The following MED13 variants were observed in gnomAD, a reference collection of about 807,000 sequenced individuals.
MED13 encodes mediator complex subunit 13.
Under a neutral mutation model 225.2 loss-of-function variants are expected in MED13, and 23 were observed. That is an observed-to-expected ratio of 0.10 (90% CI 0.07 to 0.14). The LOEUF (loss-of-function observed/expected upper bound fraction) is 0.14. Ranked by LOEUF, MED13 falls within the 10% of genes least tolerant of loss-of-function variation. The pLI is 1.00. For missense variants in MED13, 2,197 were observed against 2,594.5 expected, an observed-to-expected ratio of 0.85 and a Z score of 3.33; for synonymous variants, 942 against 889.2, an observed-to-expected ratio of 1.06 and a Z score of -1.06.
At position 62,011,062 on chromosome 17, in the gene MED13, A is replaced by G. The variant is rs370736820; in HGVS notation, c.1455T>C (p.Asp485=). ...PFHHRVSVSD[D]VGMDADSASQ... ...TGGCTGAATCTGCGTCCATGCCAACATCATCACTAACAGACACACGATGGT... is the reference window on the plus strand; with the variant it reads ...TGGCTGAATCTGCGTCCATGCCAACGTCATCACTAACAGACACACGATGGT... Residue 485 remains aspartate (D), a synonymous_variant, in exon 9 of 30, where the codon GAT becomes GAC. Coordinates refer to ENST00000397786, the MANE Select transcript of MED13 (RefSeq NM_005121.3). 1.7e-5 allele frequency: 28 copies of G among 1,614,130 alleles called. No homozygotes were observed. Among genetic ancestry groups the G allele is most frequent in the African/African-American group, 6.7e-5 (5 of 74,948 alleles).
chr17:61,961,976 A>T (rs1335816151), intron 21 of MED13, among the ~76,000 whole-genome samples, 197 bp from the exon 22 acceptor site: 1 of 152,188 alleles, frequency 6.6e-6, no homozygotes, highest in Non-Finnish European at 1.5e-5. Context: ...TTCTGAATTA[A>T]AGGACTATTT....
chr17:62,031,048 T>A (rs930139232), intron 6 of MED13: 1 of 153,812 alleles, frequency 6.5e-6, no homozygotes, highest in Non-Finnish European at 1.4e-5. Context: ...ACGCTACTTT[T>A]AAATACAGAA....
At chr17:62,016,867 G>A (rs897310599) in intron 8 of MED13, among the ~76,000 whole-genome samples, 2 of 151,818 alleles carry the variant, frequency 1.3e-5, no homozygotes, top group Admixed American at 6.6e-5. Context: ...AAAATTAGCC[G>A]GGTGTGGTGG....
chr17:62,026,668 G>A (rs2080705682), intron 8 of MED13, among the ~76,000 whole-genome samples: 1 of 152,134 alleles, frequency 6.6e-6, no homozygotes, highest in Non-Finnish European at 1.5e-5. Context: ...CAGACAACAT[G>A]ATTCTAGACC....
intron 2 of MED13, among the ~76,000 whole-genome samples, chr17:62,060,485 T>C (rs2081029892): frequency 6.6e-6 from 1 of 151,120 alleles, no homozygotes; most frequent in Non-Finnish European, 1.5e-5. Context: ...CCGGGCGTGG[T>C]GGTGGGCGCC....
At chr17:62,048,201 A>AAACCCCGTCTCC (rs1274029756) in intron 3 of MED13, among the ~76,000 whole-genome samples, 1 of 149,954 alleles carries the variant, frequency 6.7e-6, no homozygotes, top group East Asian at 1.9e-4. Flanking sequence ...AGGCCAGGAG[A>AAACCCCGTCTCC]TCAAGACCAG....
Position 62,011,108 on chromosome 17 carries a change from T to G in MED13, c.1409A>C (p.Lys470Thr), listed in dbSNP as rs1399123536. The G allele has an allele frequency of 6.2e-7, 1 of 1,614,084 alleles. No homozygotes were observed. Among genetic ancestry groups the G allele is most frequent in the Non-Finnish European group, 8.5e-7 (1 of 1,180,022 alleles). ...ATGGTGAAAAGGAGTCAAGGGGCGT[T>G]TCTGTGGCTTTTCACTCTTTTCTTG... is the stretch of plus-strand genomic sequence containing the variant. ...EKQEKSEKPQ[K>T]RPLTPFHHRV... Residue 470 changes from lysine (K) to threonine (T), a missense_variant, in exon 9 of 30, where the codon AAA becomes ACA. Lys to Thr is a moderately conservative substitution (Grantham distance 78). Around this residue, in one of 12 missense-constraint regions of MED13, gnomAD observed 884 missense variants for 918.5 expected, o/e 0.96. Transcript: ENST00000397786.
chr17:61,969,468 G>A (rs1185211697), intron 17 of MED13, among the ~76,000 whole-genome samples: 1 of 151,976 alleles, frequency 6.6e-6, no homozygotes, highest in Non-Finnish European at 1.5e-5. Context: ...TTGAGCCCAG[G>A]AGTTTGAGGC....
At chr17:62,015,834 T>TAC (rs531446145) in intron 8 of MED13, among the ~76,000 whole-genome samples, 13,788 of 113,062 alleles carry the variant, frequency 0.12, 1,350 homozygotes, top group East Asian at 0.44. Context: ...ACTATATATA[T>TAC]ACACACACAC....
intron 2 of MED13, among the ~76,000 whole-genome samples, chr17:62,058,140 TAA>T (rs2081009798): frequency 6.6e-6 from 1 of 152,074 alleles, no homozygotes; most frequent in African/African-American, 2.4e-5. Flanking sequence ...GGGACTGAGC[TAA>T]GATTTTCCCA....
At chr17:61,956,516 TC>T (rs776193018) in intron 23 of MED13, 35 bp from the exon 24 acceptor site, 1 of 1,568,240 alleles carries the variant, frequency 6.4e-7, no homozygotes, top group South Asian at 1.2e-5. Context: ...CATAAATATT[TC>T]TAAAATTTAT....
intron 3 of MED13, among the ~76,000 whole-genome samples, chr17:62,042,002 A>T (rs1307734383): frequency 6.6e-6 from 1 of 152,212 alleles, no homozygotes; most frequent in Non-Finnish European, 1.5e-5. Context: ...CCAGGTTAAG[A>T]CACAGGCATC....
In MED13 at chr17:61,946,138, A is replaced by C; in HGVS notation, c.*330T>G. The C allele has an allele frequency of 5.4e-6, 1 of 185,782 alleles. No individual in the cohort carries two copies. Among genetic ancestry groups the C allele is most frequent in the East Asian group, 1.4e-4 (1 of 7,172 alleles). 11.5% of individuals were successfully genotyped at this position (185,782 alleles called of 1,614,324 possible). A position where few individuals can be genotyped will look rare whatever the true frequency, so the allele number is the denominator to read the frequency against. ...TCATTGTTCCTCATGTTTCCTCTCC[A>C]TGCTTTTAATATTCATTTAACATGA... On this transcript the variant is annotated 3_prime_UTR_variant, in exon 30 of 30. Transcript: ENST00000397786.
Position 61,984,792 on chromosome 17 carries a change from C to A in MED13, c.2550G>T (p.Met850Ile). 6.2e-7 allele frequency: 1 copy of A among 1,613,610 alleles called. No homozygotes were observed. The highest frequency in any genetic ancestry group is 8.5e-7 in the Non-Finnish European group (1 of 1,179,664). The change falls in exon 14 of 30, where the codon ATG (methionine) becomes ATT (isoleucine). Residue 850 changes from methionine (M) to isoleucine (I), a missense_variant. Met to Ile is a conservative substitution (Grantham distance 10). Around this residue, in one of 12 missense-constraint regions of MED13, gnomAD observed 160 missense variants for 184.8 expected, o/e 0.87. Coordinates refer to ENST00000397786, the MANE Select transcript of MED13 (RefSeq NM_005121.3). ...TACCATATTCTTTATTATTCATATT[C>A]ATTGGGGAAAATCCCATAATATGTT... is the stretch of plus-strand genomic sequence containing the variant. ...LEQHIMGFSP[M>I]NMNNKEYGSM...
chr17:61,993,786 C>A (rs1567965372), intron 10 of MED13, among the ~76,000 whole-genome samples: 1 of 151,698 alleles, frequency 6.6e-6, no homozygotes, highest in Non-Finnish European at 1.5e-5. Flanking sequence ...ACAAAATTAG[C>A]CGAGCGTAGT....
intron 11 of MED13, among the ~76,000 whole-genome samples, chr17:61,990,551 TA>T (rs1371684418): frequency 6.6e-6 from 1 of 150,848 alleles, no homozygotes; most frequent in East Asian, 1.9e-4. Flanking sequence ...AATATATATA[TA>T]TTTTTTAGTA....
At chr17:62,045,316 G>C (rs1199082732) in intron 3 of MED13, among the ~76,000 whole-genome samples, 1 of 152,030 alleles carries the variant, frequency 6.6e-6, no homozygotes, top group Non-Finnish European at 1.5e-5. Context: ...CAGCTAAATG[G>C]CTACAACAGA....
Position 62,010,394 on chromosome 17 carries a change from G to A in MED13, c.1967+156C>T. The A allele has an allele frequency of 4.3e-6, 2 of 469,932 alleles. 1 individual carries two copies. Among genetic ancestry groups the A allele is most frequent in the Admixed American group, 8.6e-5 (2 of 23,250 alleles). The allele number at this position is 469,932 out of a possible 1,614,324, so 29.1% of individuals were successfully genotyped here. On this transcript the variant is annotated intron_variant, in intron 9 of 29. Coordinates refer to ENST00000397786, the MANE Select transcript of MED13 (RefSeq NM_005121.3). ...TTATTTCATAATGAAGAAGTTCCCTGAGGAAAAAACACAGTAAAGGAATAA... is the reference window on the plus strand; with the variant it reads ...TTATTTCATAATGAAGAAGTTCCCTAAGGAAAAAACACAGTAAAGGAATAA...
chr17:62,043,522 A>G (rs1323297673), intron 3 of MED13, among the ~76,000 whole-genome samples: 1 of 152,222 alleles, frequency 6.6e-6, no homozygotes, highest in African/African-American at 2.4e-5. Context: ...ATTCTAAAGC[A>G]TACTCACAAT....
Sources: allele counts gnomAD v4.1 joint callset (sites outside exome capture counted in the v4.1 genomes callset), GRCh38; gene constraint gnomAD v4.1.1; regional missense constraint gnomAD v4.1.1; transcripts MANE v1.5; gene names NCBI Gene and HGNC (gene_info 2026-07-23, HGNC 2026-07-21).